Variants in CAGE1 observed in about 807,000 individuals in gnomAD.
The protein encoded by CAGE1 is cancer-associated gene 1 protein.
In CAGE1, 66 loss-of-function variants were observed where a neutral mutation model predicts 94.9. The observed-to-expected ratio is 0.70, with a 90% confidence interval of 0.57 to 0.85. CAGE1 has a LOEUF of 0.85. CAGE1 is among the 40% of genes least tolerant of loss of function. CAGE1 has a pLI of 0.00. For missense variants in CAGE1, 865 were observed against 950.4 expected, an observed-to-expected ratio of 0.91 and a Z score of 1.18; for synonymous variants, 319 against 321.0, an observed-to-expected ratio of 0.99 and a Z score of 0.07.
At chr6:7,356,835 C>T (rs533897326) in intron 9 of CAGE1, among the ~76,000 whole-genome samples, 22 of 152,236 alleles carry the variant, frequency 1.4e-4, no homozygotes, top group Admixed American at 1.1e-3. Flanking sequence ...GAGTCTCTGT[C>T]GCCAAGGTTG....
chr6:7,385,267 A>G (rs1761081083), intron 3 of CAGE1, among the ~76,000 whole-genome samples: 1 of 150,896 alleles, frequency 6.6e-6, no homozygotes, highest in Non-Finnish European at 1.5e-5. Flanking sequence ...AGCCTCCCAA[A>G]GTGCTGGGAT....
chr6:7,388,132 G>A (rs1279170442), intron 1 of CAGE1, among the ~76,000 whole-genome samples: 1 of 151,324 alleles, frequency 6.6e-6, no homozygotes, highest in Non-Finnish European at 1.5e-5. Context: ...CCTCAGGCCT[G>A]TCCAGAGCTC....
In CAGE1 at chr6:7,389,666, G is replaced by A. The variant is rs770626930; in HGVS notation, c.-488C>T. ...AGAAACGGCCAGCACGGGCCTCGCC[G>A]TGCCGGCTACTCAACACGCCTTCCT... is the stretch of plus-strand genomic sequence containing the variant. On this transcript the variant is annotated 5_prime_UTR_variant, in exon 1 of 14. It adds an upstream start codon to the 5' untranslated region. Transcript: ENST00000502583. 2.4e-6 allele frequency: 1 copy of A among 417,916 alleles called. No individual in the cohort carries two copies. The highest frequency in any genetic ancestry group is 4.5e-6 in the Non-Finnish European group (1 of 224,296). The allele number at this position is 417,916 out of a possible 1,614,324, so 25.9% of individuals were successfully genotyped here.
At position 7,384,220 on chromosome 6, in the gene CAGE1, G is replaced by A. The variant is rs375023798; in HGVS notation, c.283+1565C>T. Among the ~76,000 whole-genome samples the A allele has an allele frequency of 2.0e-4, 31 of 152,172 alleles. No individual in the cohort carries two copies. The East Asian group carries it at 5.6e-3, about 28-fold the overall frequency. On this transcript the variant is annotated intron_variant, in intron 3 of 13. Coordinates refer to ENST00000502583, the MANE Select transcript of CAGE1 (RefSeq NM_001170692.2). ...AGCCTCCTGAGTAGCTGGGACTACA[G>A]GCGCCCACCATCATGCCCGGCTAAT...
chr6:7,345,065 G>GA (rs1415438084), intron 11 of CAGE1, among the ~76,000 whole-genome samples: 2 of 151,902 alleles, frequency 1.3e-5, no homozygotes, highest in South Asian at 2.1e-4. Context: ...GGCTGGTGTT[G>GA]AAAGCTTTGT....
At position 7,378,761 on chromosome 6, in the gene CAGE1, C is replaced by A. The variant is rs971716736; in HGVS notation, c.543G>T (p.Glu181Asp). 2 of 1,613,824 alleles carry A rather than the reference C, an allele frequency of 1.2e-6. No individual in the cohort carries two copies. The highest frequency in any genetic ancestry group is 1.7e-6 in the Non-Finnish European group (2 of 1,179,880). ...VSANTDQLGNEYFRQPPPRSP... is the reference protein window; with the variant it reads ...VSANTDQLGNDYFRQPPPRSP... ...TTCTAGGAGGAGGCTGTCTAAAATA[C>A]TCGTTACCAAGTTGGTCTGTATTTG... The change falls in exon 4 of 14, where the codon GAG becomes GAT. Residue 181 changes from glutamate (E) to aspartate (D), a missense_variant. Coordinates refer to ENST00000502583, the MANE Select transcript of CAGE1 (RefSeq NM_001170692.2).
chr6:7,344,593 G>A (rs1759349233), intron 11 of CAGE1, among the ~76,000 whole-genome samples: 1 of 152,132 alleles, frequency 6.6e-6, no homozygotes, highest in African/African-American at 2.4e-5. Context: ...CAAGGGCTGA[G>A]GAGTGCGGGC....
chr6:7,368,748 A>G lies in CAGE1; in HGVS notation c.1944T>C (p.Ser648=). The G allele has an allele frequency of 6.4e-7, 1 of 1,561,570 alleles. No individual in the cohort carries two copies. The highest frequency in any genetic ancestry group is 8.7e-7 in the Non-Finnish European group (1 of 1,152,046). The change falls in exon 7 of 14, where the codon AGT becomes AGC. Residue 648 remains serine, a synonymous_variant. Transcript: ENST00000502583. ...AEHFKESEKV[S]DIMLQKLKSL... ...TCTTCAGTTTTTGCAGCATTATATC[A>G]CTAACCTTCTCACTCTCTTTGAAAT...
intron 9 of CAGE1, among the ~76,000 whole-genome samples, chr6:7,360,263 G>A (rs552772811): frequency 1.4e-4 from 22 of 152,250 alleles, no homozygotes; most frequent in African/African-American, 3.1e-4. Context: ...GGGGACTAGG[G>A]TGTGGGAATC....
intron 9 of CAGE1, among the ~76,000 whole-genome samples, chr6:7,356,844 T>C (rs1390321038): frequency 1.3e-5 from 2 of 152,216 alleles, no homozygotes; most frequent in African/African-American, 4.8e-5. Context: ...TCGCCAAGGT[T>C]GGAGCACAGT....
At chr6:7,354,967 A>C in intron 11 of CAGE1, 74 bp downstream of exon 11, 1 of 1,152,204 alleles carries the variant, frequency 8.7e-7, no homozygotes, top group Non-Finnish European at 1.3e-6. Flanking sequence ...GAGTCTGAAA[A>C]AAAGAATTTA....
intron 9 of CAGE1, among the ~76,000 whole-genome samples, chr6:7,361,377 G>T (rs1357535983): frequency 6.6e-6 from 1 of 152,164 alleles, no homozygotes; most frequent in Non-Finnish European, 1.5e-5. Flanking sequence ...TCATGAACAT[G>T]ATTCAGGTTA....
At chr6:7,335,052 G>A (rs1485588906) in intron 11 of CAGE1, among the ~76,000 whole-genome samples, 1 of 152,186 alleles carries the variant, frequency 6.6e-6, no homozygotes, top group Admixed American at 6.5e-5. Context: ...CCAGCACCTG[G>A]AGGCCGTCCT....
At chr6:7,351,977 C>T (rs1172115465) in intron 11 of CAGE1, among the ~76,000 whole-genome samples, 1 of 152,226 alleles carries the variant, frequency 6.6e-6, no homozygotes, top group East Asian at 1.9e-4. Flanking sequence ...TGGAACAAGA[C>T]AAGGATGCCC....
chr6:7,344,005 G>A (rs1337682282), intron 11 of CAGE1, among the ~76,000 whole-genome samples: 1 of 152,232 alleles, frequency 6.6e-6, no homozygotes, highest in Admixed American at 6.5e-5. Flanking sequence ...ATCTGAAACA[G>A]ACAGATCTGG....
At chr6:7,381,409 G>T (rs1381261994) in intron 3 of CAGE1, among the ~76,000 whole-genome samples, 1 of 152,224 alleles carries the variant, frequency 6.6e-6, no homozygotes, top group Admixed American at 6.5e-5. Flanking sequence ...CTTGATCTTG[G>T]ACTGCCAGCC....
At chr6:7,382,152 T>C (rs1760957267) in intron 3 of CAGE1, among the ~76,000 whole-genome samples, 1 of 152,146 alleles carries the variant, frequency 6.6e-6, no homozygotes, top group African/African-American at 2.4e-5. Flanking sequence ...TGTGCCTTTT[T>C]CTAAGTGACT....
intron 9 of CAGE1, among the ~76,000 whole-genome samples, chr6:7,357,487 C>A (rs991251189): frequency 6.6e-5 from 10 of 152,046 alleles, no homozygotes; most frequent in Non-Finnish European, 1.2e-4. Flanking sequence ...ACTTTGAATT[C>A]TTTAATAGCT....
rs183206380 is a variant in CAGE1, at chr6:7,378,916, C to A, written c.388G>T (p.Val130Leu). The A allele has an allele frequency of 2.1e-3, 3,376 of 1,605,910 alleles. 7 individuals are homozygous for A. The highest frequency in any genetic ancestry group is 2.6e-3 in the Non-Finnish European group (3,021 of 1,175,414). ...QFETVCKFHW[V>L]EAFDDEMTEK... ...GTCATTTCATCATCAAATGCTTCTA[C>A]CCAGTGAAATTTGCAAACGGTTTCA... Residue 130 changes from valine to leucine, a missense_variant, in exon 4 of 14, where the codon GTA becomes TTA. Physicochemically the swap from Val to Leu is conservative, Grantham distance 32. Coordinates refer to ENST00000502583, the MANE Select transcript of CAGE1 (RefSeq NM_001170692.2).
Sources: gnomAD v4.1 joint callset for allele counts (sites outside exome capture counted in the v4.1 genomes callset) on GRCh38, gnomAD v4.1.1 for gene constraint, MANE v1.5 for transcripts, NCBI Gene and HGNC (gene_info 2026-07-23, HGNC 2026-07-21) for gene names.